The following CSNK1G1 variants were observed in gnomAD, a reference collection of about 807,000 sequenced individuals.
The protein encoded by CSNK1G1 is casein kinase I isoform gamma-1.
In CSNK1G1, 22 loss-of-function variants were observed where a neutral mutation model predicts 59.6. That is an observed-to-expected ratio of 0.37 (90% CI 0.26 to 0.53). CSNK1G1 has a LOEUF of 0.53. Ranked by LOEUF, CSNK1G1 falls within the 20% of genes least tolerant of loss-of-function variation. The pLI is 0.89. For missense variants in CSNK1G1, 384 were observed against 519.5 expected, an observed-to-expected ratio of 0.74 and a Z score of 2.54; for synonymous variants, 179 against 177.1, an observed-to-expected ratio of 1.01 and a Z score of -0.08.
chr15:64,306,164 C>A (rs545268403), intron 1 of CSNK1G1, among the ~76,000 whole-genome samples: 1 of 152,260 alleles, frequency 6.6e-6, no homozygotes, highest in South Asian at 2.1e-4. Flanking sequence ...AAACTAAAAA[C>A]TTCTGCTCTG....
At position 64,337,138 on chromosome 15, in the gene CSNK1G1, G is replaced by A. The variant is rs201043793; in HGVS notation, c.-225+18850C>T. On this transcript the variant is annotated intron_variant, in intron 1 of 11. Transcript: ENST00000303052. ...AGCTACTCAGGAGGCTGAGGCAGGA[G>A]AATCGCTTGAACCTGGGAGGTGGAG... Among the ~76,000 whole-genome samples, 9 of 152,262 alleles carry A rather than the reference G, an allele frequency of 5.9e-5. No homozygotes were observed. In the East Asian group the frequency reaches 1.7e-3, roughly 29 times the overall value.
chr15:64,279,087 C>A (rs1218653920), intron 2 of CSNK1G1, among the ~76,000 whole-genome samples: 3 of 152,202 alleles, frequency 2.0e-5, no homozygotes, highest in Admixed American at 2.0e-4. Flanking sequence ...AAATGATCCA[C>A]CTTTTTTTGT....
intron 6 of CSNK1G1, among the ~76,000 whole-genome samples, chr15:64,213,428 T>C (rs1309006931): frequency 2.0e-5 from 3 of 152,160 alleles, no homozygotes; most frequent in African/African-American, 7.2e-5. Context: ...CCAAGTATAT[T>C]TTCACTGAAT....
At chr15:64,348,603 T>C (rs1898101995) in intron 1 of CSNK1G1, among the ~76,000 whole-genome samples, 3 of 152,218 alleles carry the variant, frequency 2.0e-5, no homozygotes, top group African/African-American at 7.2e-5. Flanking sequence ...TCTTGCCTTT[T>C]CCTGGCATTA....
Position 64,313,294 on chromosome 15 carries a change from T to C in CSNK1G1, c.-224-12571A>G, listed in dbSNP as rs1224724183. ...TAAATCATTCTACTATGAAGACACA[T>C]GCACACGTATGTTTATTGTGGCACT... On this transcript the variant is annotated intron_variant, in intron 1 of 11. Coordinates refer to ENST00000303052, the MANE Select transcript of CSNK1G1 (RefSeq NM_022048.5). 5.3e-5 allele frequency among the ~76,000 whole-genome samples: 8 copies of C among 152,302 alleles called. 1 individual carries two copies. The highest frequency in any genetic ancestry group is 1.7e-4 in the African/African-American group (7 of 41,566).
At chr15:64,300,184 C>A in intron 2 of CSNK1G1, 135 bp downstream of exon 2, 1 of 795,586 alleles carries the variant, frequency 1.3e-6, no homozygotes, top group South Asian at 1.7e-5. Flanking sequence ...TGCCCCTTCA[C>A]AAATTATTTC....
chr15:64,311,884 T>C (rs909341963), intron 1 of CSNK1G1, among the ~76,000 whole-genome samples: 2 of 151,688 alleles, frequency 1.3e-5, no homozygotes, highest in African/African-American at 4.8e-5. Flanking sequence ...TGCCTCAAAA[T>C]CTCCTTAAGC....
chr15:64,326,515 G>A (rs896758943), intron 1 of CSNK1G1, among the ~76,000 whole-genome samples: 1 of 151,966 alleles, frequency 6.6e-6, no homozygotes, highest in Non-Finnish European at 1.5e-5. Context: ...ATGGTGGCAG[G>A]CACCTTTAAT....
At chr15:64,219,413 C>A (rs1049427086) in intron 4 of CSNK1G1, among the ~76,000 whole-genome samples, 1 of 152,192 alleles carries the variant, frequency 6.6e-6, no homozygotes, top group Non-Finnish European at 1.5e-5. Context: ...TTCTTCAAAG[C>A]AGGTTGTGGC....
intron 4 of CSNK1G1, among the ~76,000 whole-genome samples, chr15:64,228,293 T>TA (rs1253402345): frequency 6.6e-6 from 1 of 152,186 alleles, no homozygotes; most frequent in Admixed American, 6.5e-5. Context: ...ATATCTATAT[T>TA]ACCCATTTTT....
At chr15:64,325,679 C>A (rs1274865494) in intron 1 of CSNK1G1, among the ~76,000 whole-genome samples, 2 of 147,492 alleles carry the variant, frequency 1.4e-5, no homozygotes, top group Admixed American at 1.3e-4. Context: ...AGTAATAAGA[C>A]AAGCATCTTT....
At chr15:64,269,176 A>G (rs1031949624) in intron 2 of CSNK1G1, among the ~76,000 whole-genome samples, 2 of 152,172 alleles carry the variant, frequency 1.3e-5, no homozygotes, top group Non-Finnish European at 2.9e-5. Flanking sequence ...TTTATCTAGA[A>G]GTTTGGTGAT....
rs1377156203 is a variant in CSNK1G1 at position 64,167,316 on chromosome 15, A to G, written c.*4615T>C. 5 of 152,196 alleles carry G rather than the reference A, an allele frequency of 3.3e-5. No homozygotes were observed. Among genetic ancestry groups the G allele is most frequent in the African/African-American group, 7.2e-5 (3 of 41,438 alleles). The allele number at this position is 152,196 out of a possible 1,614,324, so 9.4% of individuals were successfully genotyped here. On this transcript the variant is annotated 3_prime_UTR_variant, in exon 12 of 12. Coordinates refer to ENST00000303052, the MANE Select transcript of CSNK1G1 (RefSeq NM_022048.5). ...AAACAAAATCACCCCCCATACACCAAAAAACAAACTGAAAACCAAAAACAA... is the reference window on the plus strand; with the variant it reads ...AAACAAAATCACCCCCCATACACCAGAAAACAAACTGAAAACCAAAAACAA...
rs2081922430 is a variant in CSNK1G1, at chr15:64,188,115, T to A, written c.1108-7661A>T. Among the ~76,000 whole-genome samples, 1 of 152,234 alleles carries A rather than the reference T, an allele frequency of 6.6e-6. No individual in the cohort carries two copies. Among genetic ancestry groups the A allele is most frequent in the Non-Finnish European group, 1.5e-5 (1 of 68,042 alleles). The stretch of plus-strand genomic sequence containing the variant: ...TGTTATTTTTATGGTTTATCATGAA[T>A]GCATCAAGGTGGTAGGACTAGGTTA... On this transcript the variant is annotated intron_variant, in intron 10 of 11. Transcript: ENST00000303052. This position sits in a 1 kb window ranked among gnomAD's most constrained non-coding sequence, Gnocchi z 4.2.
At chr15:64,184,237 A>G (rs992816250) in intron 10 of CSNK1G1, among the ~76,000 whole-genome samples, 3 of 152,080 alleles carry the variant, frequency 2.0e-5, no homozygotes, top group Non-Finnish European at 4.4e-5. Context: ...TGGGAGGCGT[A>G]GCTTGCAGTG....
intron 2 of CSNK1G1, among the ~76,000 whole-genome samples, chr15:64,270,963 AC>A (rs1893268091): frequency 6.6e-6 from 1 of 151,826 alleles, no homozygotes; most frequent in South Asian, 2.1e-4. Context: ...ATTTTATTTT[AC>A]TATGTATGTG....
chr15:64,270,575 C>A (rs377520327), intron 2 of CSNK1G1, among the ~76,000 whole-genome samples: 26 of 152,074 alleles, frequency 1.7e-4, no homozygotes, highest in African/African-American at 6.0e-4. Context: ...CTGGCCAACA[C>A]AGTGAAACCC....
intron 2 of CSNK1G1, among the ~76,000 whole-genome samples, chr15:64,292,083 G>A (rs938193341): frequency 5.9e-5 from 9 of 151,994 alleles, no homozygotes; most frequent in East Asian, 1.9e-4. Context: ...GGTGGCAGGC[G>A]CCTGTAGTCC....
chr15:64,269,349 CT>C (rs1893153367), intron 2 of CSNK1G1, among the ~76,000 whole-genome samples: 1 of 152,060 alleles, frequency 6.6e-6, no homozygotes, highest in Non-Finnish European at 1.5e-5. Context: ...ACTGATTGGA[CT>C]TTGGAGCTCA....
Sources: gnomAD v4.1 joint callset for allele counts (sites outside exome capture counted in the v4.1 genomes callset) on GRCh38, gnomAD v4.1.1 for gene constraint, Gnocchi (gnomAD v3.1) non-coding constraint, MANE v1.5 for transcripts, NCBI Gene and HGNC (gene_info 2026-07-23, HGNC 2026-07-21) for gene names.